The following TLL1 variants were observed in gnomAD, a reference collection of about 807,000 sequenced individuals.
TLL1 encodes tolloid like 1, also known as tolloid-like protein 1.
In TLL1, 49 loss-of-function variants were observed where a neutral mutation model predicts 128.2. The observed-to-expected ratio is 0.38, with a 90% CI of 0.30 to 0.48. The LOEUF (loss-of-function observed/expected upper bound fraction) is 0.48, where lower values mean the gene tolerates loss of function less well. Ranked by LOEUF, TLL1 falls within the 20% of genes least tolerant of loss-of-function variation. The probability of loss-of-function intolerance (pLI) is 0.96; values close to 1 mark genes in which losing one functional copy is unlikely to be tolerated. For missense variants in TLL1, 1,123 were observed against 1,242.0 expected (o/e 0.90, Z 1.44); for synonymous variants, 454 against 418.8 (o/e 1.08, Z -1.03).
chr4:166,101,235 T>C lies in TLL1; in HGVS notation c.*359T>C, dbSNP rs1403739396. 3.4e-6 allele frequency: 1 copy of C among 292,632 alleles called. No homozygotes were observed. 18.1% of individuals were successfully genotyped at this position (292,632 alleles called of 1,614,324 possible). ...TGTTCTTTTTGACAATTTGTCAAGA[T>C]TTAGGGACATAAAATGATCTTGCAG... On this transcript the variant is annotated 3_prime_UTR_variant, in exon 21 of 21. Coordinates refer to ENST00000061240, the MANE Select transcript of TLL1 (RefSeq NM_012464.5).
intron 1 of TLL1, among the ~76,000 whole-genome samples, chr4:165,950,824 A>G (rs1394261321): frequency 6.6e-6 from 1 of 152,102 alleles, no homozygotes; most frequent in South Asian, 2.1e-4. Context: ...TCTCAGATCA[A>G]TAATTTTAGC....
chr4:165,946,739 G>A (rs548655264), intron 1 of TLL1, among the ~76,000 whole-genome samples: 1 of 152,120 alleles, frequency 6.6e-6, no homozygotes, highest in African/African-American at 2.4e-5. Flanking sequence ...ATGCATGAGT[G>A]GCTTTGGAAT....
At position 165,935,112 on chromosome 4, in the gene TLL1, C is replaced by G. The variant is rs1170675768; in HGVS notation, c.170-54269C>G. ...AAATAATAATAATATGCAGTAGTTA[C>G]TCTCATTTTGCACATAAGGAGATGG... On this transcript the variant is annotated intron_variant, in intron 1 of 20. Coordinates refer to ENST00000061240, the MANE Select transcript of TLL1 (RefSeq NM_012464.5). Among the ~76,000 whole-genome samples, 2 of 152,194 alleles carry G rather than the reference C, an allele frequency of 1.3e-5. 1 individual carries two copies. The highest frequency in any genetic ancestry group is 3.9e-4 in the East Asian group (2 of 5,188).
intron 1 of TLL1, among the ~76,000 whole-genome samples, chr4:165,968,275 T>C (rs1735479746): frequency 1.3e-5 from 2 of 152,300 alleles, no homozygotes; most frequent in Admixed American, 1.3e-4. Context: ...GTTTTGACTA[T>C]TTTTGAAGAA....
intron 1 of TLL1, among the ~76,000 whole-genome samples, chr4:165,927,131 C>A (rs181133749): frequency 5.3e-5 from 8 of 152,178 alleles, no homozygotes; most frequent in Non-Finnish European, 1.0e-4. Context: ...CTAAAATGCA[C>A]AAGTATGTAT....
At chr4:165,996,968 A>G in intron 5 of TLL1, among the ~76,000 whole-genome samples, 1 of 151,884 alleles carries the variant, frequency 6.6e-6, no homozygotes, top group East Asian at 1.9e-4. Flanking sequence ...AGTAATGCTG[A>G]ATTTTGGTAA....
intron 1 of TLL1, among the ~76,000 whole-genome samples, chr4:165,931,077 G>T (rs1579502155): frequency 6.6e-6 from 1 of 152,202 alleles, no homozygotes; most frequent in East Asian, 1.9e-4. Flanking sequence ...TAGATTATGT[G>T]TTTTGTTGTT....
chr4:166,052,961 ATGTG>A (rs139204407), intron 12 of TLL1, among the ~76,000 whole-genome samples: 2 of 109,128 alleles, frequency 1.8e-5, no homozygotes, highest in African/African-American at 8.7e-5. Flanking sequence ...ATAAGAGGTT[ATGTG>A]TATATATATA....
rs577736820 is a variant in TLL1, at chr4:166,096,388, A to AT, written c.2657-2881dup. ...GTTGTCCCTAAATGCAATTTAAGGCATTTTTTTTAAATGTAGGCCATTTTT... is the reference window on the plus strand; with the variant it reads ...GTTGTCCCTAAATGCAATTTAAGGCATTTTTTTTTAAATGTAGGCCATTTTT... On this transcript the variant is annotated intron_variant, in intron 19 of 20. Transcript: ENST00000061240. Among the ~76,000 whole-genome samples the AT allele has an allele frequency of 1.3e-3, 196 of 151,996 alleles. 4 individuals are homozygous for AT. In the East Asian group the frequency reaches 0.032, roughly 25 times the overall value.
At chr4:165,982,102 A>G (rs1736174480) in intron 1 of TLL1, among the ~76,000 whole-genome samples, 1 of 152,066 alleles carries the variant, frequency 6.6e-6, no homozygotes, top group Non-Finnish European at 1.5e-5. Context: ...TGATTGATAG[A>G]CAATAAGAGA....
intron 1 of TLL1, among the ~76,000 whole-genome samples, chr4:165,923,736 G>A (rs961756181): frequency 1.3e-5 from 2 of 151,986 alleles, no homozygotes; most frequent in African/African-American, 4.8e-5. Context: ...CACCTGGCTG[G>A]TATACCTGGT....
At chr4:166,072,281 G>GT (rs1165113352) in intron 16 of TLL1, among the ~76,000 whole-genome samples, 3 of 151,918 alleles carry the variant, frequency 2.0e-5, no homozygotes, top group Admixed American at 6.6e-5. Context: ...ACTCTGATAA[G>GT]TTGGGAAAGT....
intron 2 of TLL1, among the ~76,000 whole-genome samples, chr4:165,991,809 G>C (rs961428539): frequency 6.6e-6 from 1 of 151,974 alleles, no homozygotes; most frequent in Admixed American, 6.6e-5. Context: ...TTAGCCCAAA[G>C]ATACTCTATG....
rs1034067066 is a variant in TLL1 at position 166,102,008 on chromosome 4, A to G, written c.*1132A>G. The G allele has an allele frequency of 6.6e-5, 10 of 152,340 alleles. No homozygotes were observed. Among genetic ancestry groups the G allele is most frequent in the Admixed American group, 5.9e-4 (9 of 15,212 alleles). The allele number at this position is 152,340 out of a possible 1,614,324, so 9.4% of individuals were successfully genotyped here. A position where few individuals can be genotyped will look rare whatever the true frequency, so the allele number is the denominator to read the frequency against. ...AAACTTTTTTTCAAACAAGTTTTTG[A>G]CCTTTGAGCCAACCCACCCGTAGAC... On this transcript the variant is annotated 3_prime_UTR_variant, in exon 21 of 21. Transcript: ENST00000061240.
At chr4:165,874,121 G>C in intron 1 of TLL1, 48 bp downstream of exon 1, 2 of 1,611,156 alleles carry the variant, frequency 1.2e-6, no homozygotes, top group African/African-American at 1.3e-5. Context: ...GGGCCGCTGC[G>C]CTGGGTTTCC....
At chr4:166,014,664 G>A in intron 8 of TLL1, 104 bp downstream of exon 8, 1 of 1,543,276 alleles carries the variant, frequency 6.5e-7, no homozygotes, top group African/African-American at 1.4e-5. Flanking sequence ...CCTCCCTGTT[G>A]GCAAGTGACG....
intron 19 of TLL1, among the ~76,000 whole-genome samples, chr4:166,098,443 G>C (rs2016239): frequency 0.43 from 65,601 of 151,678 alleles, 14,753 homozygotes; most frequent in Admixed American, 0.49. Flanking sequence ...AGGTTTTATG[G>C]ACACTTATTT....
intron 1 of TLL1, chr4:165,919,919 T>C (rs759380987): frequency 1.1e-4 from 50 of 447,428 alleles, no homozygotes; most frequent in Non-Finnish European, 1.9e-4. Context: ...GGACTTCTCA[T>C]GAGGGGAGGT....
At chr4:166,019,279 A>G (rs978384215) in intron 8 of TLL1, among the ~76,000 whole-genome samples, 2 of 152,168 alleles carry the variant, frequency 1.3e-5, no homozygotes, top group East Asian at 1.9e-4. Context: ...TAAACATGGA[A>G]ACAATAGACA....
Sources: allele counts gnomAD v4.1 joint callset (sites outside exome capture counted in the v4.1 genomes callset), GRCh38; gene constraint gnomAD v4.1.1; transcripts MANE v1.5; gene names NCBI Gene and HGNC (gene_info 2026-07-23, HGNC 2026-07-21).